The following KCNQ1 variants were observed in gnomAD, a reference collection of about 807,000 sequenced individuals.
The protein encoded by KCNQ1 is potassium voltage-gated channel subfamily Q member 1.
A neutral mutation model predicts 72.4 loss-of-function variants in KCNQ1; 49 were observed. The observed-to-expected ratio is 0.68, with a 90% CI of 0.54 to 0.86. The LOEUF (loss-of-function observed/expected upper bound fraction) is 0.86, where lower values mean the gene tolerates loss of function less well. Among genes scored for constraint, KCNQ1 ranks in the 40% least tolerant of loss-of-function variants. KCNQ1 has a pLI of 0.00. For missense variants in KCNQ1, 790 were observed against 945.1 expected (o/e 0.84, Z 2.15); for synonymous variants, 450 against 412.6 (o/e 1.09, Z -1.10).
At chr11:2,485,298 C>T (rs1478261461) in intron 1 of KCNQ1, among the ~76,000 whole-genome samples, 1 of 151,674 alleles carries the variant, frequency 6.6e-6, no homozygotes, top group Non-Finnish European at 1.5e-5. Flanking sequence ...GTCAGAGGTG[C>T]ACAAAGAGTG....
In KCNQ1 at chr11:2,659,142, CTT is replaced by C. The variant is rs1195402516; in HGVS notation, c.1394-2817_1394-2816del. Reference sequence around the variant, plus strand: ...AAATTTGCATACAGTAAAATCCACTCTTTGAGATTCAGTTCTGTGGGTTTTGA... The same window carrying C: ...AAATTTGCATACAGTAAAATCCACTCTGAGATTCAGTTCTGTGGGTTTTGA... On this transcript the variant is annotated intron_variant, in intron 10 of 15. Transcript: ENST00000155840. The surrounding 1 kb of genome is among the most constrained non-coding windows in gnomAD (Gnocchi z 4.3). The C allele has an allele frequency of 2.5e-6, 1 of 398,616 alleles. No homozygotes were observed. The highest frequency in any genetic ancestry group is 4.4e-6 in the Non-Finnish European group (1 of 226,064). 24.7% of individuals were successfully genotyped at this position (398,616 alleles called of 1,614,324 possible).
chr11:2,459,694 C>T (rs1056940914), intron 1 of KCNQ1, among the ~76,000 whole-genome samples: 1 of 152,090 alleles, frequency 6.6e-6, no homozygotes, highest in African/African-American at 2.4e-5. Context: ...CCCAGACCAC[C>T]CCGGAGGCCC....
rs1447504958 is a variant in KCNQ1 at position 2,654,841 on chromosome 11, A to T, written c.1394-7120A>T. 5 of 398,512 alleles carry T rather than the reference A, an allele frequency of 1.3e-5. No individual in the cohort carries two copies. Among genetic ancestry groups the T allele is most frequent in the Non-Finnish European group, 1.3e-5 (3 of 226,106 alleles). The allele number at this position is 398,512 out of a possible 1,614,324, so 24.7% of individuals were successfully genotyped here. A position where few individuals can be genotyped will look rare whatever the true frequency, so the allele number is the denominator to read the frequency against. On this transcript the variant is annotated intron_variant, in intron 10 of 15. Transcript: ENST00000155840. This position sits in a 1 kb window ranked among gnomAD's most constrained non-coding sequence, Gnocchi z 6.4. The stretch of plus-strand genomic sequence containing the variant: ...TGATAGGAGAGCTCTATGTAGCCTC[A>T]TGGGCAGCTCCAGGCCAGGTGGAGG...
chr11:2,735,816 T>C lies in KCNQ1; in HGVS notation c.1515-33028T>C, dbSNP rs1845946927. ...GGCCATCCCTCTGTGTGTGCCCGAG[T>C]CACCTTCTCCTCTCATAAGGACCCC... On this transcript the variant is annotated intron_variant, in intron 11 of 15. Transcript: ENST00000155840. The surrounding 1 kb of genome is among the most constrained non-coding windows in gnomAD (Gnocchi z 7.7). 6.6e-6 allele frequency among the ~76,000 whole-genome samples: 1 copy of C among 152,054 alleles called. No homozygotes were observed.
Position 2,446,098 on chromosome 11 carries a change from GCT to G in KCNQ1, c.386+618_386+619del, listed in dbSNP as rs1487334808. Among the ~76,000 whole-genome samples the G allele has an allele frequency of 6.6e-6, 1 of 152,238 alleles. No individual in the cohort carries two copies. The highest frequency in any genetic ancestry group is 1.5e-5 in the Non-Finnish European group (1 of 68,030). ...CAGAGAGCGGAGAGGCACGTTTGCA[GCT>G]CTCACTAAGAGGCAGCTGTGCTCCC... On this transcript the variant is annotated intron_variant, in intron 1 of 15. Coordinates refer to ENST00000155840, the MANE Select transcript of KCNQ1 (RefSeq NM_000218.3). This position sits in a 1 kb window ranked among gnomAD's most constrained non-coding sequence, Gnocchi z 8.8.
At chr11:2,802,165 A>C (rs968455047) in intron 15 of KCNQ1, among the ~76,000 whole-genome samples, 1 of 152,186 alleles carries the variant, frequency 6.6e-6, no homozygotes, top group Non-Finnish European at 1.5e-5. Context: ...AGGCAGGGGG[A>C]GGCCACAGGG....
In KCNQ1 at chr11:2,451,545, A is replaced by G. The variant is rs67751613; in HGVS notation, c.386+6061A>G. ...ACTGGAAGGACCTGGCTGTGGTCCC[A>G]GGCACTGGGTGGATGGACCAGCAGA... is the stretch of plus-strand genomic sequence containing the variant. On this transcript the variant is annotated intron_variant, in intron 1 of 15. Coordinates refer to ENST00000155840, the MANE Select transcript of KCNQ1 (RefSeq NM_000218.3). This position sits in a 1 kb window ranked among gnomAD's most constrained non-coding sequence, Gnocchi z 6.4. Among the ~76,000 whole-genome samples, 15,041 of 152,262 alleles carry G rather than the reference A, an allele frequency of 0.099. 782 individuals carry two copies. The highest frequency in any genetic ancestry group is 0.12 in the African/African-American group (5,097 of 41,542).
intron 11 of KCNQ1, chr11:2,700,136 C>T (rs1850774835): frequency 1.0e-5 from 4 of 397,222 alleles, no homozygotes; most frequent in African/African-American, 4.1e-5. Flanking sequence ...AGTGATGTGC[C>T]GTGTCCTGTC....
At position 2,458,551 on chromosome 11, in the gene KCNQ1, G is replaced by T. The variant is rs368426414; in HGVS notation, c.386+13067G>T. On this transcript the variant is annotated intron_variant, in intron 1 of 15. Coordinates refer to ENST00000155840, the MANE Select transcript of KCNQ1 (RefSeq NM_000218.3). This position sits in a 1 kb window ranked among gnomAD's most constrained non-coding sequence, Gnocchi z 4.6. ...TGAGGTCAGGGATTCCGCATGCAGC[G>T]TCACAGCTGCCAACCTCTCCAAAGC... 6.6e-6 allele frequency among the ~76,000 whole-genome samples: 1 copy of T among 152,230 alleles called. No individual in the cohort carries two copies. Among genetic ancestry groups the T allele is most frequent in the African/African-American group, 2.4e-5 (1 of 41,462 alleles).
In KCNQ1 at chr11:2,691,136, A is replaced by G; in HGVS notation, c.1514+29055A>G. On this transcript the variant is annotated intron_variant, in intron 11 of 15. Coordinates refer to ENST00000155840, the MANE Select transcript of KCNQ1 (RefSeq NM_000218.3). This position sits in a 1 kb window ranked among gnomAD's most constrained non-coding sequence, Gnocchi z 6.4. ...TGGAGGCTGTGCAGACCTGGTGCAG[A>G]GTCTGTGCTGGCCTCTGGCCTCTCA... The G allele has an allele frequency of 2.5e-6, 1 of 398,634 alleles. No individual in the cohort carries two copies. Among genetic ancestry groups the G allele is most frequent in the Non-Finnish European group, 4.4e-6 (1 of 226,102 alleles). 24.7% of individuals were successfully genotyped at this position (398,634 alleles called of 1,614,324 possible). A position where few individuals can be genotyped will look rare whatever the true frequency, so the allele number is the denominator to read the frequency against.
chr11:2,630,180 T>C (rs4271371), intron 10 of KCNQ1: 360,951 of 398,152 alleles, frequency 0.91, 163,852 homozygotes, highest in East Asian at 0.99. Flanking sequence ...AATGATTGTA[T>C]GATTTTTATC....
At chr11:2,797,455 G>A (rs1030918685) in intron 15 of KCNQ1, among the ~76,000 whole-genome samples, 1 of 152,200 alleles carries the variant, frequency 6.6e-6, no homozygotes, top group African/African-American at 2.4e-5. Flanking sequence ...ATCAAGGTCG[G>A]GCTGGGCTGG....
intron 11 of KCNQ1, among the ~76,000 whole-genome samples, chr11:2,705,286 T>A (rs1850887671): frequency 6.6e-6 from 1 of 152,156 alleles, no homozygotes; most frequent in African/African-American, 2.4e-5. Context: ...GCGGTCTCCA[T>A]GAGTGGCAGC....
rs187838601 is a variant in KCNQ1, at chr11:2,569,668, G to A, written c.478-960G>A. Among the ~76,000 whole-genome samples the A allele has an allele frequency of 5.3e-5, 8 of 152,318 alleles. No homozygotes were observed. In the East Asian group the frequency reaches 5.8e-4, roughly 11 times the overall value. ...CACACACCTTCCCCAAGGGCCTCCC[G>A]TACACCCCGGCTGCCTGGGCGCTGG... On this transcript the variant is annotated intron_variant, in intron 2 of 15. Transcript: ENST00000155840.
intron 15 of KCNQ1, among the ~76,000 whole-genome samples, chr11:2,800,624 C>T (rs1232652688): frequency 6.6e-6 from 1 of 152,156 alleles, no homozygotes; most frequent in Non-Finnish European, 1.5e-5. Flanking sequence ...CGTGAAGGTT[C>T]CAAGCTTGAA....
rs1393062116 is a variant in KCNQ1 at position 2,750,702 on chromosome 11, A to G, written c.1515-18142A>G. Among the ~76,000 whole-genome samples, 1 of 152,166 alleles carries G rather than the reference A, an allele frequency of 6.6e-6. No individual in the cohort carries two copies. The highest frequency in any genetic ancestry group is 2.4e-5 in the African/African-American group (1 of 41,424). ...TTAATCAACCAGTTCCCAATAAGTC[A>G]TTTCAGTCAGGCCATTACCAATGGC... is the stretch of plus-strand genomic sequence containing the variant. On this transcript the variant is annotated intron_variant, in intron 11 of 15. Coordinates refer to ENST00000155840, the MANE Select transcript of KCNQ1 (RefSeq NM_000218.3). The surrounding 1 kb of genome is among the most constrained non-coding windows in gnomAD (Gnocchi z 6.3).
chr11:2,744,503 G>A (rs531259754), intron 11 of KCNQ1, among the ~76,000 whole-genome samples: 27 of 152,308 alleles, frequency 1.8e-4, no homozygotes, highest in Admixed American at 1.5e-3. Flanking sequence ...ACGCAGAGCC[G>A]GCACATGAGG....
At chr11:2,835,233 C>T (rs1164485731) in intron 15 of KCNQ1, among the ~76,000 whole-genome samples, 2 of 152,098 alleles carry the variant, frequency 1.3e-5, no homozygotes, top group African/African-American at 4.8e-5. Flanking sequence ...GGGCAGGGCT[C>T]CCTGCGGCTG....
At chr11:2,571,114 C>T (rs745783103) in intron 3 of KCNQ1, among the ~76,000 whole-genome samples, 13 of 152,166 alleles carry the variant, frequency 8.5e-5, no homozygotes, top group African/African-American at 1.2e-4. Context: ...CAGCCTAGGC[C>T]GGGGGCTCCA....
Sources: gnomAD v4.1 joint callset for allele counts (sites outside exome capture counted in the v4.1 genomes callset) on GRCh38, gnomAD v4.1.1 for gene constraint, Gnocchi (gnomAD v3.1) non-coding constraint, MANE v1.5 for transcripts, NCBI Gene and HGNC (gene_info 2026-07-23, HGNC 2026-07-21) for gene names.